CALN1: variants seen among roughly 807,000 people sequenced by gnomAD.
CALN1 encodes calneuron 1.
CALN1 carries 17 observed loss-of-function variants against 30.6 expected under a neutral mutation model. The observed-to-expected ratio is 0.56, with a 90% confidence interval of 0.38 to 0.83. The LOEUF (loss-of-function observed/expected upper bound fraction) is 0.83. Among genes scored for constraint, CALN1 ranks in the 40% least tolerant of loss-of-function variants. The pLI, the probability that CALN1 is intolerant of heterozygous loss-of-function variation, is 0.00. For synonymous variants in CALN1, 156 were observed against 131.4 expected (o/e 1.19, Z -1.28); for missense variants, 291 against 354.9 (o/e 0.82, Z 1.45).
chr7:71,837,236 A>G (rs1789666729), intron 5 of CALN1, among the ~76,000 whole-genome samples: 1 of 135,622 alleles, frequency 7.4e-6, no homozygotes. Context: ...CATCTCAAAA[A>G]AAAAGACAAA....
intron 3 of CALN1, among the ~76,000 whole-genome samples, chr7:72,198,524 T>C (rs550732044): frequency 3.9e-5 from 6 of 152,246 alleles, no homozygotes; most frequent in Admixed American, 1.3e-4. Context: ...TTTCCAAGTA[T>C]ATTATACATA....
chr7:72,409,440 AATCTTAAACGG>A (rs1806955580), intron 1 of CALN1, among the ~76,000 whole-genome samples: 1 of 146,800 alleles, frequency 6.8e-6, no homozygotes, highest in Admixed American at 6.7e-5. Flanking sequence ...CGCAGAGTAT[AATCTTAAACGG>A]ATCTCTGTGC....
chr7:71,915,599 TG>T (rs1410310693), intron 5 of CALN1, among the ~76,000 whole-genome samples: 1 of 152,124 alleles, frequency 6.6e-6, no homozygotes, highest in African/African-American at 2.4e-5. Context: ...TTGGGCATGG[TG>T]GTGCATGCCT....
chr7:72,135,716 G>T (rs1051965178), intron 3 of CALN1, among the ~76,000 whole-genome samples: 1 of 152,168 alleles, frequency 6.6e-6, no homozygotes, highest in African/African-American at 2.4e-5. Context: ...ACTGGCTTCA[G>T]CTTACAGTCA....
the CALN1 span, among the ~76,000 whole-genome samples, chr7:72,503,721 T>C: frequency 2.6e-5 from 4 of 152,184 alleles, no homozygotes; most frequent in African/African-American, 7.2e-5. Flanking sequence ...GAAACAGCCA[T>C]GATCTCCTCT....
At chr7:71,842,259 A>C (rs1313001543) in intron 5 of CALN1, among the ~76,000 whole-genome samples, 1 of 152,218 alleles carries the variant, frequency 6.6e-6, no homozygotes, top group Non-Finnish European at 1.5e-5. Context: ...TGAGTCCTCA[A>C]ATGACTGAAG....
intron 5 of CALN1, among the ~76,000 whole-genome samples, chr7:71,973,078 T>G (rs776939897): frequency 6.6e-6 from 1 of 152,154 alleles, no homozygotes; most frequent in East Asian, 1.9e-4. Context: ...GATGGTCTCA[T>G]TAACAGCAAC....
At chr7:72,012,154 G>T (rs997757389) in intron 5 of CALN1, among the ~76,000 whole-genome samples, 1 of 152,158 alleles carries the variant, frequency 6.6e-6, no homozygotes, top group South Asian at 2.1e-4. Flanking sequence ...ACCTACAGCC[G>T]CTGGTCAGCT....
At chr7:71,950,301 G>T (rs149853884) in intron 5 of CALN1, among the ~76,000 whole-genome samples, 1 of 152,064 alleles carries the variant, frequency 6.6e-6, no homozygotes, top group Non-Finnish European at 1.5e-5. Flanking sequence ...TCATTTTACA[G>T]GTGAGGAAAC....
chr7:71,975,930 T>C (rs1305343645), intron 5 of CALN1, among the ~76,000 whole-genome samples: 1 of 149,996 alleles, frequency 6.7e-6, no homozygotes, highest in African/African-American at 2.4e-5. Flanking sequence ...TTACTTTTGA[T>C]GGCAAAAACT....
intron 3 of CALN1, among the ~76,000 whole-genome samples, chr7:72,114,870 T>C (rs978682455): frequency 4.6e-5 from 7 of 152,056 alleles, no homozygotes; most frequent in Admixed American, 4.6e-4. Context: ...GGCACATGCC[T>C]GTAATCCCAG....
At chr7:71,885,597 C>T (rs978377991) in intron 5 of CALN1, among the ~76,000 whole-genome samples, 6 of 152,262 alleles carry the variant, frequency 3.9e-5, no homozygotes, top group African/African-American at 1.4e-4. Flanking sequence ...CAGAATAAAT[C>T]TCTTCTAATA....
chr7:72,444,512 T>C (rs983323094), intron 1 of CALN1, among the ~76,000 whole-genome samples: 1 of 152,204 alleles, frequency 6.6e-6, no homozygotes, highest in Non-Finnish European at 1.5e-5. Context: ...TGTGTATTCA[T>C]TCAATAAACT....
At chr7:72,163,576 A>G (rs1467258155) in intron 3 of CALN1, among the ~76,000 whole-genome samples, 2 of 152,156 alleles carry the variant, frequency 1.3e-5, no homozygotes, top group Admixed American at 1.3e-4. Flanking sequence ...GAACCTCTGC[A>G]GAGAAACAAA....
intron 4 of CALN1, among the ~76,000 whole-genome samples, chr7:72,078,905 G>T (rs185960364): frequency 1.1e-3 from 162 of 152,246 alleles, no homozygotes; most frequent in South Asian, 3.3e-3. Context: ...CTACAGCCTG[G>T]GTGATAGAGT....
intron 1 of CALN1, among the ~76,000 whole-genome samples, chr7:72,440,780 T>C (rs1302780512): frequency 6.6e-6 from 1 of 152,142 alleles, no homozygotes; most frequent in Non-Finnish European, 1.5e-5. Context: ...TGAGCTGAGA[T>C]CGCACCACTG....
intron 5 of CALN1, among the ~76,000 whole-genome samples, chr7:71,827,771 T>TAAAA (rs1554347602): frequency 0.023 from 2,233 of 96,708 alleles, 25 homozygotes; most frequent in Admixed American, 0.047. Context: ...GACTCCATCT[T>TAAAA]AAAAAAATAA....
intron 3 of CALN1, among the ~76,000 whole-genome samples, chr7:72,134,612 T>C (rs1809379424): frequency 6.6e-6 from 1 of 152,262 alleles, no homozygotes; most frequent in Admixed American, 6.5e-5. Flanking sequence ...TGCTAAAATA[T>C]ATGAACAATC....
At chr7:72,093,218 T>C (rs1805993993) in intron 4 of CALN1, among the ~76,000 whole-genome samples, 1 of 152,232 alleles carries the variant, frequency 6.6e-6, no homozygotes, top group Admixed American at 6.5e-5. Context: ...TAATACTTAA[T>C]ATTGGTCAAA....
Sources: allele counts gnomAD v4.1 joint callset (sites outside exome capture counted in the v4.1 genomes callset), GRCh38; gene constraint gnomAD v4.1.1; transcripts MANE v1.5; gene names NCBI Gene and HGNC (gene_info 2026-07-23, HGNC 2026-07-21).